LPP: variants seen among roughly 807,000 people sequenced by gnomAD.
LPP encodes lipoma-preferred partner.
In LPP, 38 loss-of-function variants were observed where a neutral mutation model predicts 60.4. The observed-to-expected ratio is 0.63, with a 90% CI of 0.49 to 0.83. LPP has a LOEUF of 0.83. Among genes scored for constraint, LPP ranks in the 40% least tolerant of loss-of-function variants. The probability of loss-of-function intolerance (pLI) is 0.00; values close to 1 mark genes in which losing one functional copy is unlikely to be tolerated. For missense variants in LPP, 902 were observed against 783.6 expected (o/e 1.15, Z -1.80); for synonymous variants, 328 against 290.8 (o/e 1.13, Z -1.30).
chr3:188,607,413 A>C lies in LPP; in HGVS notation c.430-1748A>C, dbSNP rs1411153181. Among the ~76,000 whole-genome samples the C allele has an allele frequency of 2.3e-3, 84 of 36,656 alleles. 1 individual carries two copies. Among genetic ancestry groups the C allele is most frequent in the African/African-American group, 5.8e-3 (80 of 13,800 alleles). 24.0% of individuals were successfully genotyped at this position (36,656 alleles called of 152,430 possible). A position where few individuals can be genotyped will look rare whatever the true frequency, so the allele number is the denominator to read the frequency against. On this transcript the variant is annotated intron_variant, in intron 6 of 11. Transcript: ENST00000617246. ...TATATATATATATATATATATATATATATAATTTTTTTTTCCTTTGCAGTT... is the reference window on the plus strand; with the variant it reads ...TATATATATATATATATATATATATCTATAATTTTTTTTTCCTTTGCAGTT...
intron 9 of LPP, among the ~76,000 whole-genome samples, chr3:188,795,254 T>C (rs1040852073): frequency 4.6e-5 from 7 of 152,370 alleles, no homozygotes; most frequent in Non-Finnish European, 1.0e-4. Flanking sequence ...ATTTTCTTAA[T>C]GTCTTAGTTT....
chr3:188,199,113 C>A (rs1028976061), intron 1 of LPP, among the ~76,000 whole-genome samples: 1 of 152,122 alleles, frequency 6.6e-6, no homozygotes, highest in Non-Finnish European at 1.5e-5. Context: ...GTTAACCAGG[C>A]CTGTTGGTCA....
chr3:188,786,213 C>G (rs1741807405), intron 9 of LPP, among the ~76,000 whole-genome samples: 1 of 151,494 alleles, frequency 6.6e-6, no homozygotes, highest in Non-Finnish European at 1.5e-5. Context: ...AACCCTGTCT[C>G]TACTAAAAAT....
chr3:188,689,023 G>A (rs190740697), intron 7 of LPP, among the ~76,000 whole-genome samples: 3 of 152,318 alleles, frequency 2.0e-5, no homozygotes, highest in Admixed American at 6.5e-5. Context: ...AAAAGAATGA[G>A]ATGTGATTGA....
At chr3:188,636,703 G>A (rs1251911626) in intron 7 of LPP, among the ~76,000 whole-genome samples, 1 of 151,984 alleles carries the variant, frequency 6.6e-6, no homozygotes, top group African/African-American at 2.4e-5. Flanking sequence ...GCACGCAGCT[G>A]GAGATCTGAG....
chr3:188,177,524 G>T (rs1343676562), intron 1 of LPP, among the ~76,000 whole-genome samples: 1 of 152,138 alleles, frequency 6.6e-6, no homozygotes, highest in Non-Finnish European at 1.5e-5. Context: ...AAAAGTACTG[G>T]ATGTGATTGC....
At chr3:188,640,978 C>G (rs955197176) in intron 7 of LPP, among the ~76,000 whole-genome samples, 24 of 152,258 alleles carry the variant, frequency 1.6e-4, no homozygotes, top group African/African-American at 5.8e-4. Flanking sequence ...TGAGTGCACA[C>G]TCACTCTCAT....
intron 3 of LPP, among the ~76,000 whole-genome samples, chr3:188,366,249 G>A (rs1333882401): frequency 6.6e-6 from 1 of 152,166 alleles, no homozygotes; most frequent in South Asian, 2.1e-4. Flanking sequence ...CATTCCACGT[G>A]GTAATACACC....
At chr3:188,379,453 A>G (rs746506712) in intron 3 of LPP, among the ~76,000 whole-genome samples, 3 of 152,200 alleles carry the variant, frequency 2.0e-5, no homozygotes, top group Admixed American at 6.5e-5. Context: ...TAATATATTC[A>G]TAGAGTTACA....
At chr3:188,425,971 A>G (rs1195462155) in intron 4 of LPP, among the ~76,000 whole-genome samples, 1 of 151,810 alleles carries the variant, frequency 6.6e-6, no homozygotes, top group Non-Finnish European at 1.5e-5. Flanking sequence ...CTCTTATCTT[A>G]GTTATTTCTT....
At chr3:188,447,806 T>C (rs1795621836) in intron 4 of LPP, among the ~76,000 whole-genome samples, 1 of 151,940 alleles carries the variant, frequency 6.6e-6, no homozygotes, top group Non-Finnish European at 1.5e-5. Flanking sequence ...CTCTCCGGGA[T>C]TCTATAGCAG....
At chr3:188,358,527 A>G (rs1170977134) in intron 3 of LPP, among the ~76,000 whole-genome samples, 2 of 152,268 alleles carry the variant, frequency 1.3e-5, no homozygotes, top group Non-Finnish European at 2.9e-5. Flanking sequence ...GCAGGAGTCA[A>G]AGAAGGCTTC....
chr3:188,458,270 C>T (rs1412868121), intron 4 of LPP, among the ~76,000 whole-genome samples: 4 of 152,050 alleles, frequency 2.6e-5, no homozygotes, highest in Non-Finnish European at 4.4e-5. Flanking sequence ...TAAGCACTTT[C>T]GACCCACATG....
chr3:188,236,018 G>A (rs1041428590), intron 2 of LPP, among the ~76,000 whole-genome samples: 2 of 151,742 alleles, frequency 1.3e-5, no homozygotes, highest in African/African-American at 4.8e-5. Context: ...TCATTAACTC[G>A]AGCGTTTACT....
At chr3:188,188,728 T>C (rs771581001) in intron 1 of LPP, among the ~76,000 whole-genome samples, 12 of 152,204 alleles carry the variant, frequency 7.9e-5, no homozygotes, top group Admixed American at 2.0e-4. Context: ...TACATAGTGA[T>C]GGGAAGCATG....
intron 3 of LPP, among the ~76,000 whole-genome samples, chr3:188,366,735 G>A (rs938266810): frequency 2.6e-5 from 4 of 152,082 alleles, no homozygotes; most frequent in Non-Finnish European, 2.9e-5. Flanking sequence ...ATGTGAAAGC[G>A]GGGAATCTGT....
At chr3:188,631,566 A>G (rs1272952510) in intron 7 of LPP, among the ~76,000 whole-genome samples, 1 of 152,198 alleles carries the variant, frequency 6.6e-6, no homozygotes, top group Non-Finnish European at 1.5e-5. Flanking sequence ...AGTACTCCAC[A>G]TGTATACTTT....
rs146756659 is a variant in LPP, at chr3:188,520,463, G to T, written c.307-4202G>T. Among the ~76,000 whole-genome samples the T allele has an allele frequency of 5.0e-3, 765 of 152,290 alleles. 28 individuals carry two copies. The highest frequency in any genetic ancestry group is 0.045 in the Admixed American group (684 of 15,288). On this transcript the variant is annotated intron_variant, in intron 5 of 11. Transcript: ENST00000617246. ...AGACTTATTCACAACCAGGAGAACA[G>T]TATAGGGGAAAATGCCCCCGTGATT...
intron 2 of LPP, among the ~76,000 whole-genome samples, chr3:188,303,917 A>G (rs1750715614): frequency 6.6e-6 from 1 of 152,194 alleles, no homozygotes. Context: ...TTTTCTTAGT[A>G]AAAGGACTAG....
Sources: gnomAD v4.1 joint callset for allele counts (sites outside exome capture counted in the v4.1 genomes callset) on GRCh38, gnomAD v4.1.1 for gene constraint, MANE v1.5 for transcripts, NCBI Gene and HGNC (gene_info 2026-07-23, HGNC 2026-07-21) for gene names.